SIMC1: variants seen among roughly 807,000 people sequenced by gnomAD.
SIMC1 encodes the protein SUMO interacting motifs containing 1.
SIMC1 carries 55 observed loss-of-function variants against 82.3 expected under a neutral mutation model. That is an observed-to-expected ratio of 0.67 (90% CI 0.54 to 0.84). The LOEUF (loss-of-function observed/expected upper bound fraction) is 0.84, where lower values mean the gene tolerates loss of function less well. Ranked by LOEUF, SIMC1 falls within the 40% of genes least tolerant of loss-of-function variation. The pLI is 0.00. For synonymous variants in SIMC1, 353 were observed against 426.3 expected (o/e 0.83, Z 2.12); for missense variants, 915 against 1,107.2 (o/e 0.83, Z 2.46).
Position 176,345,384 on chromosome 5 carries a change from T to C in SIMC1, c.2615T>C (p.Phe872Ser), listed in dbSNP as rs1766412993. ...DKVHLLKLLLFYAADLNPDAE... is the reference protein window; with the variant it reads ...DKVHLLKLLLSYAADLNPDAE... ...GTGCACTTGTTGAAGCTCCTGCTCTTCTATGCTGCGGACTTGAACCCTGAT... is the reference window on the plus strand; with the variant it reads ...GTGCACTTGTTGAAGCTCCTGCTCTCCTATGCTGCGGACTTGAACCCTGAT... Residue 872 changes from phenylalanine (F) to serine (S), a missense_variant, in exon 10 of 10, where the codon TTC (phenylalanine) becomes TCC (serine). Transcript: ENST00000429602. 1 of 1,613,846 alleles carries C rather than the reference T, an allele frequency of 6.2e-7. No homozygotes were observed. The highest frequency in any genetic ancestry group is 1.3e-5 in the African/African-American group (1 of 74,906).
At chr5:176,308,304 C>T (rs138671446) in intron 4 of SIMC1, 34 of 1,461,940 alleles carry the variant, frequency 2.3e-5, no homozygotes, top group Admixed American at 3.4e-5. Flanking sequence ...ATCATCTTAA[C>T]GACGTTCTGA....
Position 176,313,532 on chromosome 5 carries a change from C to G in SIMC1, c.1735-159C>G, listed in dbSNP as rs749381346. On this transcript the variant is annotated intron_variant, in intron 4 of 9. Transcript: ENST00000429602. ...CCCTATTTGTCCTCTCTCATAATGA[C>G]CCAGACTACCTGCCCTCTCCTAGGA... is the stretch of plus-strand genomic sequence containing the variant. 3.9e-6 allele frequency: 6 copies of G among 1,545,126 alleles called. No individual in the cohort carries two copies. The African/African-American group carries it at 8.2e-5, about 21-fold the overall frequency.
At chr5:176,308,784 C>T in intron 4 of SIMC1, 1 of 1,275,062 alleles carries the variant, frequency 7.8e-7, no homozygotes. Context: ...GATCCTGTGC[C>T]AGGAGGAGCA....
intron 1 of SIMC1, among the ~76,000 whole-genome samples, chr5:176,275,372 T>G (rs1199554006): frequency 2.0e-4 from 30 of 151,944 alleles, no homozygotes; most frequent in African/African-American, 5.3e-4. Flanking sequence ...GAGATTTTGG[T>G]CTGAGACAAT....
At chr5:176,304,949 G>GC (rs1764233726) in intron 4 of SIMC1, among the ~76,000 whole-genome samples, 2 of 93,520 alleles carry the variant, frequency 2.1e-5, no homozygotes, top group Non-Finnish European at 4.4e-5. Context: ...CCTCTGCCTG[G>GC]CAACCACCCC....
chr5:176,278,726 G>A (rs1453463495), intron 1 of SIMC1, among the ~76,000 whole-genome samples: 3 of 122,516 alleles, frequency 2.4e-5, no homozygotes, highest in Admixed American at 8.9e-5. Flanking sequence ...TTTTGTCTTT[G>A]GCTCTGTTTA....
chr5:176,280,056 C>G (rs1762917775), intron 1 of SIMC1, among the ~76,000 whole-genome samples: 1 of 152,040 alleles, frequency 6.6e-6, no homozygotes, highest in Non-Finnish European at 1.5e-5. Flanking sequence ...GTTGATCTGT[C>G]TAATGTTGAC....
chr5:176,273,860 T>G lies in SIMC1; in HGVS notation c.130-15794T>G, dbSNP rs537572071. Among the ~76,000 whole-genome samples the G allele has an allele frequency of 3.3e-5, 5 of 152,222 alleles. No homozygotes were observed. The East Asian group carries it at 9.7e-4, about 29-fold the overall frequency. On this transcript the variant is annotated intron_variant, in intron 1 of 9. Transcript: ENST00000429602. ...CCTCATTTTTTATGGCTGCATAGTATTCCATGGTGTATATGTGCCACATTT... is the reference window on the plus strand; with the variant it reads ...CCTCATTTTTTATGGCTGCATAGTAGTCCATGGTGTATATGTGCCACATTT...
chr5:176,339,871 G>A (rs766402626), intron 9 of SIMC1, among the ~76,000 whole-genome samples: 8 of 152,168 alleles, frequency 5.3e-5, no homozygotes, highest in Non-Finnish European at 1.2e-4. Context: ...CAGCCGAATG[G>A]TACCCAGCAA....
At chr5:176,273,544 T>C (rs1017744526) in intron 1 of SIMC1, among the ~76,000 whole-genome samples, 2 of 152,208 alleles carry the variant, frequency 1.3e-5, no homozygotes, top group Non-Finnish European at 2.9e-5. Flanking sequence ...AGGGTACATG[T>C]GCACAATGTG....
At position 176,290,223 on chromosome 5, in the gene SIMC1, A is replaced by C. The variant is rs1361451116; in HGVS notation, c.699A>C (p.Ser233=). 23 of 1,612,726 alleles carry C rather than the reference A, an allele frequency of 1.4e-5. No homozygotes were observed. The highest frequency in any genetic ancestry group is 1.9e-5 in the Non-Finnish European group (23 of 1,179,494). Reference sequence around the variant, plus strand: ...CTTTGCCATGCCCACCGAGAGCCTCACCATGTCCACCACGAGCCTCCTCAT... The same window carrying C: ...CTTTGCCATGCCCACCGAGAGCCTCCCCATGTCCACCACGAGCCTCCTCAT... ...LRPLPCPPRA[S]PCPPRASSCP... Residue 233 remains serine (S), a synonymous_variant, in exon 2 of 10, where the codon TCA becomes TCC. Transcript: ENST00000429602.
rs1353922313 is a variant in SIMC1 at position 176,313,774 on chromosome 5, G to A, written c.1818G>A (p.Arg606=). 2 of 1,613,860 alleles carry A rather than the reference G, an allele frequency of 1.2e-6. No homozygotes were observed. The highest frequency in any genetic ancestry group is 1.7e-5 in the Admixed American group (1 of 60,002). The stretch of plus-strand genomic sequence containing the variant: ...ATGACTTTCAGCAGACCCTGAGGAG[G>A]CAACGGCAGCACCTGCAGCAATCCA... The part of the protein sequence containing the change: ...LEDDFQQTLR[R]QRQHLQQSIA... The change falls in exon 5 of 10, where the codon AGG becomes AGA. Residue 606 remains arginine (R), a synonymous_variant. Coordinates refer to ENST00000429602, the MANE Select transcript of SIMC1 (RefSeq NM_001308195.2).
intron 1 of SIMC1, among the ~76,000 whole-genome samples, chr5:176,278,987 C>G (rs1377295214): frequency 3.3e-5 from 5 of 152,304 alleles, no homozygotes; most frequent in African/African-American, 7.2e-5. Flanking sequence ...GAAGGATTCT[C>G]TCTTTTTCTA....
intron 9 of SIMC1, among the ~76,000 whole-genome samples, chr5:176,341,724 G>A (rs576100868): frequency 3.9e-4 from 59 of 152,146 alleles, no homozygotes; most frequent in African/African-American, 1.2e-3. Flanking sequence ...GCTCAGGTTT[G>A]ACATATTAGG....
intron 4 of SIMC1, among the ~76,000 whole-genome samples, chr5:176,306,931 A>AAAT (rs1554112672): frequency 2.0e-5 from 3 of 151,284 alleles, no homozygotes; most frequent in Non-Finnish European, 4.4e-5. Context: ...TAAAAAAAAA[A>AAAT]AATAATAAAG....
At chr5:176,308,489 C>T in intron 4 of SIMC1, 2 of 1,607,422 alleles carry the variant, frequency 1.2e-6, no homozygotes, top group South Asian at 2.2e-5. Flanking sequence ...AAGCCATGTA[C>T]CAGATGATGG....
chr5:176,333,505 C>T (rs137972808), intron 7 of SIMC1, among the ~76,000 whole-genome samples: 98 of 151,476 alleles, frequency 6.5e-4, no homozygotes, highest in Non-Finnish European at 1.2e-3. Flanking sequence ...CTAAGCTCAC[C>T]GCAACCTCTG....
intron 6 of SIMC1, 162 bp downstream of exon 6, chr5:176,322,587 T>C: frequency 1.1e-6 from 1 of 924,764 alleles, no homozygotes; most frequent in Non-Finnish European, 1.5e-6. Flanking sequence ...AATTTCTGAT[T>C]TCAAAGGCAG....
rs112093091 is a variant in SIMC1, at chr5:176,342,496, T to C, written c.2414-2687T>C. Reference sequence around the variant, plus strand: ...CCATGGATGCCATTAACGTGGTATATGCATCCCCAGTGCTTCCACCCAGTT... The same window carrying C: ...CCATGGATGCCATTAACGTGGTATACGCATCCCCAGTGCTTCCACCCAGTT... On this transcript the variant is annotated intron_variant, in intron 9 of 9. Coordinates refer to ENST00000429602, the MANE Select transcript of SIMC1 (RefSeq NM_001308195.2). Among the ~76,000 whole-genome samples, 386 of 152,344 alleles carry C rather than the reference T, an allele frequency of 2.5e-3. 3 individuals are homozygous for C. The highest frequency in any genetic ancestry group is 8.8e-3 in the African/African-American group (365 of 41,574).
Sources: gnomAD v4.1 joint callset for allele counts (sites outside exome capture counted in the v4.1 genomes callset) on GRCh38, gnomAD v4.1.1 for gene constraint, MANE v1.5 for transcripts, NCBI Gene and HGNC (gene_info 2026-07-23, HGNC 2026-07-21) for gene names.